OTOA: variants seen among roughly 807,000 people sequenced by gnomAD.
OTOA encodes the protein otoancorin.
Under a neutral mutation model 110.8 loss-of-function variants are expected in OTOA, and 70 were observed. The observed-to-expected ratio is 0.63, with a 90% confidence interval of 0.52 to 0.77. The LOEUF (loss-of-function observed/expected upper bound fraction) is 0.77, where lower values mean the gene tolerates loss of function less well. Ranked by LOEUF, OTOA falls within the 30% of genes least tolerant of loss-of-function variation. The probability of loss-of-function intolerance (pLI) is 0.00; values close to 1 mark genes in which losing one functional copy is unlikely to be tolerated. For missense variants in OTOA, 917 were observed against 1,075.8 expected (o/e 0.85, Z 2.06); for synonymous variants, 373 against 431.5 (o/e 0.86, Z 1.68).
Position 21,680,344 on chromosome 16 carries a change from C to T in OTOA, c.179+1133C>T, listed in dbSNP as rs544354001. Among the ~76,000 whole-genome samples the T allele has an allele frequency of 4.6e-4, 69 of 151,454 alleles. 1 individual carries two copies. The highest frequency in any genetic ancestry group is 1.6e-3 in the African/African-American group (64 of 41,238). On this transcript the variant is annotated intron_variant, in intron 5 of 28. Transcript: ENST00000646100. ...CTGGCCAACATAGTGAAACCCTGTC[C>T]CTACTAAAAGTACAAAAGAATTAGC...
chr16:21,739,097 G>A (rs1352561178), intron 22 of OTOA, among the ~76,000 whole-genome samples: 1 of 152,304 alleles, frequency 6.6e-6, no homozygotes, highest in Non-Finnish European at 1.5e-5. Context: ...TTCTTTAGTT[G>A]GTTCTGGGTA....
intron 16 of OTOA, 56 bp downstream of exon 16, chr16:21,719,247 A>G: frequency 6.2e-7 from 1 of 1,603,836 alleles, no homozygotes; most frequent in Non-Finnish European, 8.5e-7. Context: ...GCCTTCTGCC[A>G]GAGCAGCCTA....
chr16:21,713,628 G>A (rs1327113948), intron 13 of OTOA, among the ~76,000 whole-genome samples: 1 of 152,170 alleles, frequency 6.6e-6, no homozygotes. Flanking sequence ...AAGGGAACTG[G>A]AAAAGGCCAC....
rs1258340184 is a variant in OTOA, at chr16:21,673,999, ATG to A, written c.-4-4510_-4-4509del. Among the ~76,000 whole-genome samples, 7 of 151,702 alleles carry A rather than the reference ATG, an allele frequency of 4.6e-5. No individual in the cohort carries two copies. The East Asian group carries it at 1.4e-3, about 29-fold the overall frequency. On this transcript the variant is annotated intron_variant, in intron 1 of 28. Transcript: ENST00000646100. The stretch of plus-strand genomic sequence containing the variant: ...TTTTTAGTAGAGATGGGGTTTCACC[ATG>A]TTAGCCAGGATGGTCTTGATCTCCT...
intron 2 of OTOA, 137 bp from the exon 3 acceptor site, chr16:21,678,778 A>G: frequency 2.4e-6 from 3 of 1,245,508 alleles, no homozygotes; most frequent in Non-Finnish European, 3.5e-6. Flanking sequence ...GTTTTCTCAG[A>G]GTGGACAGTT....
At chr16:21,717,837 C>T (rs961835436) in intron 15 of OTOA, among the ~76,000 whole-genome samples, 38 of 152,168 alleles carry the variant, frequency 2.5e-4, no homozygotes, top group Admixed American at 2.4e-3. Context: ...CGACACAAAT[C>T]CCTGTCTGTT....
chr16:21,667,887 T>G (rs1308768520), intron 1 of OTOA, among the ~76,000 whole-genome samples: 1 of 152,150 alleles, frequency 6.6e-6, no homozygotes, highest in African/African-American at 2.4e-5. Context: ...AAAAACTATT[T>G]AAACAACCTA....
At chr16:21,689,939 G>A (rs1029297316) in intron 8 of OTOA, among the ~76,000 whole-genome samples, 5 of 152,126 alleles carry the variant, frequency 3.3e-5, no homozygotes, top group African/African-American at 4.8e-5. Context: ...GCCTGCCTTG[G>A]CTTCCCAAAG....
At position 21,716,997 on chromosome 16, in the gene OTOA, C is replaced by CCCA. The variant is rs1567386658; in HGVS notation, c.1580_1581insCAC (p.Pro527_Gly528insThr). 6.2e-7 allele frequency: 1 copy of CCCA among 1,614,050 alleles called. No individual in the cohort carries two copies. The highest frequency in any genetic ancestry group is 8.5e-7 in the Non-Finnish European group (1 of 1,180,002). On this transcript the variant is annotated inframe_insertion, in exon 15 of 29. Transcript: ENST00000646100. ...GTCTCTCTTTGATTTAAGGAGGCAA[C>CCCA]CTGGATTCAACTCTACAGTCCTGAA...
chr16:21,735,136 GAA>G (rs1194921869), intron 21 of OTOA, among the ~76,000 whole-genome samples: 11 of 72,752 alleles, frequency 1.5e-4, no homozygotes, highest in South Asian at 4.6e-4. Flanking sequence ...ACAAGACTCT[GAA>G]AAAAAAAAAA....
In OTOA at chr16:21,668,626, A is replaced by C. The variant is rs528003076; in HGVS notation, c.-5+4394A>C. On this transcript the variant is annotated intron_variant, in intron 1 of 28. Coordinates refer to ENST00000646100, the MANE Select transcript of OTOA (RefSeq NM_144672.4). ...TTAGCATGCGCCACCATGCCCAGCT[A>C]AGTTTTTGTATCTTTAGTAGAGATG... is the stretch of plus-strand genomic sequence containing the variant. Among the ~76,000 whole-genome samples, 381 of 151,310 alleles carry C rather than the reference A, an allele frequency of 2.5e-3. 4 individuals are homozygous for C. The highest frequency in any genetic ancestry group is 8.3e-3 in the African/African-American group (342 of 41,174).
At chr16:21,756,721 TTCTC>T (rs1000789546) in intron 27 of OTOA, among the ~76,000 whole-genome samples, 4 of 151,750 alleles carry the variant, frequency 2.6e-5, no homozygotes, top group South Asian at 4.2e-4. Flanking sequence ...ACATTTTATA[TTCTC>T]TCTCTCTCTC....
At position 21,729,851 on chromosome 16, in the gene OTOA, T is replaced by C. The variant is rs1391618841; in HGVS notation, c.2208-986T>C. On this transcript the variant is annotated intron_variant, in intron 20 of 28. Coordinates refer to ENST00000646100, the MANE Select transcript of OTOA (RefSeq NM_144672.4). ...TAGCTCATTTCTTTTTAGTGCTGAATCATATTTCATTGTCTTAATGAACCA... is the reference window on the plus strand; with the variant it reads ...TAGCTCATTTCTTTTTAGTGCTGAACCATATTTCATTGTCTTAATGAACCA... The C allele has an allele frequency of 4.6e-5, 7 of 152,206 alleles. No homozygotes were observed. In the East Asian group the frequency reaches 1.3e-3, roughly 29 times the overall value. The allele number at this position is 152,206 out of a possible 1,614,324, so 9.4% of individuals were successfully genotyped here.
intron 9 of OTOA, 75 bp downstream of exon 9, chr16:21,691,762 A>G: frequency 1.5e-6 from 2 of 1,331,602 alleles, no homozygotes; most frequent in Non-Finnish European, 2.1e-6. Context: ...ATCTCTGAAA[A>G]CATGGATTTG....
intron 5 of OTOA, among the ~76,000 whole-genome samples, chr16:21,680,126 C>A (rs1471608672): frequency 1.3e-5 from 2 of 152,102 alleles, no homozygotes; most frequent in Non-Finnish European, 2.9e-5. Flanking sequence ...TAAGATAACA[C>A]CAATGGGTAC....
intron 1 of OTOA, among the ~76,000 whole-genome samples, chr16:21,676,872 C>T (rs1238296875): frequency 6.6e-6 from 1 of 152,168 alleles, no homozygotes; most frequent in Non-Finnish European, 1.5e-5. Context: ...AATTATAGAG[C>T]TCAGCTTGTT....
chr16:21,678,975 C>G (rs551512393), intron 3 of OTOA, 32 bp downstream of exon 3: 1 of 1,613,698 alleles, frequency 6.2e-7, no homozygotes. Flanking sequence ...AATCAGAGTC[C>G]CCTCTACTGG....
At chr16:21,695,778 C>T (rs1156388305) in intron 9 of OTOA, among the ~76,000 whole-genome samples, 2 of 148,172 alleles carry the variant, frequency 1.3e-5, no homozygotes, top group Non-Finnish European at 3.0e-5. Flanking sequence ...AATACAATAT[C>T]GTGTGTAAAT....
At chr16:21,688,849 C>T (rs994746229) in intron 8 of OTOA, among the ~76,000 whole-genome samples, 1 of 152,164 alleles carries the variant, frequency 6.6e-6, no homozygotes, top group African/African-American at 2.4e-5. Context: ...GAAACGCAAA[C>T]ATTCAGTCCA....
Sources: gnomAD v4.1 joint callset for allele counts (sites outside exome capture counted in the v4.1 genomes callset) on GRCh38, gnomAD v4.1.1 for gene constraint, MANE v1.5 for transcripts, NCBI Gene and HGNC (gene_info 2026-07-23, HGNC 2026-07-21) for gene names.